Variants in DZANK1 observed in about 807,000 individuals in gnomAD.
The protein encoded by DZANK1 is double zinc ribbon and ankyrin repeat-containing protein 1.
In DZANK1, 91 loss-of-function variants were observed where a neutral mutation model predicts 94.5. The ratio of observed to expected loss-of-function variants is 0.96; its 90% CI spans 0.81 to 1.15. DZANK1 has a LOEUF of 1.15. Among genes scored for constraint, DZANK1 ranks in the 50% most tolerant of loss-of-function variants. The probability of loss-of-function intolerance (pLI) is 0.00; values close to 1 mark genes in which losing one functional copy is unlikely to be tolerated. For missense variants in DZANK1, 903 were observed against 916.4 expected, an observed-to-expected ratio of 0.99 and a Z score of 0.19; for synonymous variants, 312 against 325.3, an observed-to-expected ratio of 0.96 and a Z score of 0.44.
chr20:18,389,936 T>TAA, intron 18 of DZANK1, 108 bp from the exon 19 acceptor site: 1 of 1,497,150 alleles, frequency 6.7e-7, no homozygotes, highest in Non-Finnish European at 9.0e-7. Flanking sequence ...CTGATGCAAC[T>TAA]AAAGTGCTTT....
chr20:18,465,269 C>T (rs749980130), exon 2 of DZANK1: 7 of 1,599,370 alleles, frequency 4.4e-6, no homozygotes, highest in Middle Eastern at 1.7e-4. Flanking sequence ...TTTCCAAAAG[C>T]GTATTGTTAT....
chr20:18,414,261 C>G, intron 12 of DZANK1, 87 bp downstream of exon 12: 4 of 1,488,868 alleles, frequency 2.7e-6, no homozygotes, highest in Non-Finnish European at 3.6e-6. Context: ...GGGTCTCTTC[C>G]CCGGGTTGAT....
At chr20:18,393,460 A>G (rs1372301731) in intron 17 of DZANK1, among the ~76,000 whole-genome samples, 1 of 152,210 alleles carries the variant, frequency 6.6e-6, no homozygotes, top group Non-Finnish European at 1.5e-5. Flanking sequence ...AAGTCGAAAG[A>G]TAGGCAGACA....
chr20:18,408,230 C>T (rs1310045022), intron 13 of DZANK1, among the ~76,000 whole-genome samples: 3 of 152,154 alleles, frequency 2.0e-5, no homozygotes, highest in African/African-American at 4.8e-5. Context: ...GCAGGAGAAT[C>T]GCTTCAACCC....
intron 17 of DZANK1, 109 bp from the exon 18 acceptor site, chr20:18,390,568 G>C (rs573699090): frequency 2.2e-6 from 2 of 930,220 alleles, no homozygotes; most frequent in Non-Finnish European, 3.4e-6. Context: ...GTGACTATGA[G>C]TGTGTGCATG....
chr20:18,393,863 C>A, intron 16 of DZANK1, 52 bp from the exon 17 acceptor site: 1 of 1,189,298 alleles, frequency 8.4e-7, no homozygotes, highest in South Asian at 1.3e-5. Context: ...CAACTCCCCA[C>A]ACAAACAGTT....
At chr20:18,439,896 C>T (rs1298439646) in intron 8 of DZANK1, among the ~76,000 whole-genome samples, 1 of 152,086 alleles carries the variant, frequency 6.6e-6, no homozygotes, top group Non-Finnish European at 1.5e-5. Context: ...CTGTGCCCCC[C>T]AGAATTCATT....
intron 5 of DZANK1, 105 bp from the exon 6 acceptor site, chr20:18,452,844 C>G (rs2059152760): frequency 8.7e-7 from 1 of 1,146,334 alleles, no homozygotes; most frequent in African/African-American, 1.6e-5. Flanking sequence ...ACCACTGTCA[C>G]CACATTGCTT....
chr20:18,391,982 CAGG>C (rs1413891413), intron 17 of DZANK1, among the ~76,000 whole-genome samples: 1 of 152,234 alleles, frequency 6.6e-6, no homozygotes, highest in Non-Finnish European at 1.5e-5. Flanking sequence ...ATGTCAGCTT[CAGG>C]AGGTGTGAGA....
At chr20:18,462,216 A>C (rs1043477119) in intron 2 of DZANK1, among the ~76,000 whole-genome samples, 6 of 152,208 alleles carry the variant, frequency 3.9e-5, no homozygotes, top group Middle Eastern at 3.4e-3. Flanking sequence ...GGCTCCTTGC[A>C]TATCCCCTGT....
At chr20:18,427,968 G>T (rs985872544) in intron 9 of DZANK1, among the ~76,000 whole-genome samples, 1 of 151,716 alleles carries the variant, frequency 6.6e-6, no homozygotes, top group South Asian at 2.1e-4. Context: ...GGCTAACACG[G>T]TGAAACCCCG....
chr20:18,449,812 C>T (rs893282079), intron 6 of DZANK1, among the ~76,000 whole-genome samples: 2 of 150,488 alleles, frequency 1.3e-5, no homozygotes, highest in Non-Finnish European at 2.9e-5. Context: ...GGCACAGTGG[C>T]TCATGCCTAC....
intron 13 of DZANK1, among the ~76,000 whole-genome samples, chr20:18,401,718 T>G (rs1428544172): frequency 6.6e-6 from 1 of 152,232 alleles, no homozygotes; most frequent in Non-Finnish European, 1.5e-5. Context: ...GCTCTGTTCT[T>G]CTTCATGTGG....
chr20:18,466,447 T>G (rs2059657366), intron 1 of DZANK1, among the ~76,000 whole-genome samples: 1 of 152,238 alleles, frequency 6.6e-6, no homozygotes, highest in South Asian at 2.1e-4. Flanking sequence ...GTGAACTTAA[T>G]GCCTTGTTGG....
chr20:18,399,568 A>G (rs11905768), intron 13 of DZANK1, among the ~76,000 whole-genome samples: 55,588 of 152,026 alleles, frequency 0.37, 11,042 homozygotes, highest in Middle Eastern at 0.46. Context: ...GGGGCTTGCC[A>G]AACGTGTACA....
intron 16 of DZANK1, 75 bp downstream of exon 16, chr20:18,394,179 A>C (rs899900058): frequency 3.9e-6 from 5 of 1,276,572 alleles, no homozygotes; most frequent in Middle Eastern, 4.1e-4. Context: ...AACTCTTAGC[A>C]GTTCTCTGCT....
At chr20:18,425,356 G>T (rs2057991508) in intron 10 of DZANK1, among the ~76,000 whole-genome samples, 1 of 152,152 alleles carries the variant, frequency 6.6e-6, no homozygotes, top group Non-Finnish European at 1.5e-5. Context: ...TTTGAGACTA[G>T]CCTGGCCAAC....
At chr20:18,422,080 C>T (rs951958921) in intron 10 of DZANK1, among the ~76,000 whole-genome samples, 3 of 152,084 alleles carry the variant, frequency 2.0e-5, no homozygotes, top group African/African-American at 4.8e-5. Context: ...TTCTGTTTGT[C>T]TATTTTTTGC....
At chr20:18,406,827 G>A (rs2056989294) in intron 13 of DZANK1, among the ~76,000 whole-genome samples, 1 of 152,156 alleles carries the variant, frequency 6.6e-6, no homozygotes, top group African/African-American at 2.4e-5. Flanking sequence ...TGCCCTGAAG[G>A]GTGAGTCCCA....
Sources: gnomAD v4.1 joint callset for allele counts (sites outside exome capture counted in the v4.1 genomes callset) on GRCh38, gnomAD v4.1.1 for gene constraint, MANE v1.5 for transcripts, NCBI Gene and HGNC (gene_info 2026-07-23, HGNC 2026-07-21) for gene names.